Variants in ANKMY1 observed in about 807,000 individuals in gnomAD.
ANKMY1 encodes ankyrin repeat and MYND domain-containing protein 1.
A neutral mutation model predicts 102.0 loss-of-function variants in ANKMY1; 98 were observed. The observed-to-expected ratio is 0.96, with a 90% CI of 0.82 to 1.14. ANKMY1 has a LOEUF of 1.14. ANKMY1 is among the 50% of genes most tolerant of loss of function. The probability of loss-of-function intolerance (pLI) is 0.00; values close to 1 mark genes in which losing one functional copy is unlikely to be tolerated. For synonymous variants in ANKMY1, 582 were observed against 559.9 expected (o/e 1.04, Z -0.56); for missense variants, 1,330 against 1,347.6 (o/e 0.99, Z 0.20).
In ANKMY1 at chr2:240,520,520, A is replaced by C. The variant is rs1180230591; in HGVS notation, c.1846T>G (p.Trp616Gly). 1.2e-6 allele frequency: 2 copies of C among 1,612,214 alleles called. No homozygotes were observed. The highest frequency in any genetic ancestry group is 2.2e-5 in the East Asian group (1 of 44,858). ...ALSMIERRKR[W>G]RTIKLLLRRG... ...CGCAGCAGCAGCTTGATGGTCCGCC[A>C]GCGCTTCCTCCGCCTGAAAAAGACG... is the stretch of plus-strand genomic sequence containing the variant. Residue 616 changes from tryptophan to glycine, a missense_variant, in exon 9 of 18, where the codon TGG (tryptophan) becomes GGG (glycine). By Grantham distance (184) the Trp-to-Gly change is radical. Transcript: ENST00000401804. This position sits in a 1 kb window ranked among gnomAD's most constrained non-coding sequence, Gnocchi z 4.8.
intron 15 of ANKMY1, among the ~76,000 whole-genome samples, chr2:240,493,062 A>G (rs1465328483): frequency 6.6e-6 from 1 of 150,644 alleles, no homozygotes; most frequent in African/African-American, 2.4e-5. Context: ...GGTGGCTCAC[A>G]CCTGTAATCC....
At chr2:240,496,731 G>A (rs377561492) in intron 15 of ANKMY1, among the ~76,000 whole-genome samples, 5 of 152,238 alleles carry the variant, frequency 3.3e-5, no homozygotes, top group African/African-American at 1.2e-4. Flanking sequence ...ATGACCAAAC[G>A]CTCCTGTTTA....
chr2:240,482,663 A>T (rs1035978565), intron 15 of ANKMY1, among the ~76,000 whole-genome samples: 33 of 152,274 alleles, frequency 2.2e-4, no homozygotes, highest in African/African-American at 7.7e-4. Flanking sequence ...GTCAGAGGAT[A>T]TGAAATGTAT....
Position 240,529,839 on chromosome 2 carries a change from G to A in ANKMY1, c.481-330C>T, listed in dbSNP as rs2084897568. 6.6e-6 allele frequency among the ~76,000 whole-genome samples: 1 copy of A among 152,124 alleles called. No individual in the cohort carries two copies. The highest frequency in any genetic ancestry group is 1.5e-5 in the Non-Finnish European group (1 of 68,022). ...AGGTACCAGGTCTGGGTTCAATTAG[G>A]GAACCCAGCCCAAACACCCCAACAG... is the stretch of plus-strand genomic sequence containing the variant. On this transcript the variant is annotated intron_variant, in intron 4 of 17. Coordinates refer to ENST00000401804, the MANE Select transcript of ANKMY1 (RefSeq NM_001282771.3). This position sits in a 1 kb window ranked among gnomAD's most constrained non-coding sequence, Gnocchi z 4.2.
rs1005933732 is a variant in ANKMY1 at position 240,526,989 on chromosome 2, C to G, written c.954-544G>C. The G allele has an allele frequency of 5.0e-6, 5 of 1,003,916 alleles. No individual in the cohort carries two copies. In the African/African-American group the frequency reaches 8.7e-5, roughly 17 times the overall value. The allele number at this position is 1,003,916 out of a possible 1,614,324, so 62.2% of individuals were successfully genotyped here. A position where few individuals can be genotyped will look rare whatever the true frequency, so the allele number is the denominator to read the frequency against. On this transcript the variant is annotated intron_variant, in intron 5 of 17. Coordinates refer to ENST00000401804, the MANE Select transcript of ANKMY1 (RefSeq NM_001282771.3). ...AGATGCTTCTGTACCTAACAGTCTTCAACAATTACAAGCCCAGTTGATGTC... is the reference window on the plus strand; with the variant it reads ...AGATGCTTCTGTACCTAACAGTCTTGAACAATTACAAGCCCAGTTGATGTC...
At chr2:240,541,584 G>A (rs1468021669) in intron 4 of ANKMY1, among the ~76,000 whole-genome samples, 1 of 144,670 alleles carries the variant, frequency 6.9e-6, no homozygotes, top group Admixed American at 7.3e-5. Flanking sequence ...CTCACTGCAA[G>A]CTCCGCCTCC....
At chr2:240,471,558 G>A in the ANKMY1 span, among the ~76,000 whole-genome samples, 2 of 152,222 alleles carry the variant, frequency 1.3e-5, no homozygotes, top group Non-Finnish European at 2.9e-5. Context: ...GAAACCATAA[G>A]GATAGAACAA....
intron 7 of ANKMY1, 90 bp from the exon 8 acceptor site, chr2:240,524,471 G>T: frequency 7.0e-7 from 1 of 1,420,248 alleles, no homozygotes; most frequent in Non-Finnish European, 9.5e-7. Flanking sequence ...AATGCCCGTG[G>T]CCTAGAGCTG....
intron 4 of ANKMY1, among the ~76,000 whole-genome samples, chr2:240,538,329 G>A (rs898796072): frequency 6.6e-6 from 1 of 152,196 alleles, no homozygotes; most frequent in African/African-American, 2.4e-5. Flanking sequence ...TCAGGGGCCA[G>A]CGCGAGTTCT....
Position 240,554,879 on chromosome 2 carries a change from C to T in ANKMY1, c.323G>A (p.Trp108Ter). The T allele has an allele frequency of 6.2e-7, 1 of 1,614,110 alleles. No individual in the cohort carries two copies. Among genetic ancestry groups the T allele is most frequent in the Non-Finnish European group, 8.5e-7 (1 of 1,179,992 alleles). The stretch of plus-strand genomic sequence containing the variant: ...GGAAGCAGTTACCTCGCCTGTGGGC[C>T]AAGAGAATTTGCCATATCCAAGCTT... ...NMKLGYGKFS[W>*]PTGESYHGQF... Residue 108 changes from tryptophan to a stop codon, truncating the protein, a stop_gained, in exon 3 of 18, where the codon TGG (tryptophan) becomes TAG (stop). Coordinates refer to ENST00000401804, the MANE Select transcript of ANKMY1 (RefSeq NM_001282771.3). LOFTEE classifies it high-confidence loss of function.
At chr2:240,547,917 C>T (rs1382780738) in intron 4 of ANKMY1, among the ~76,000 whole-genome samples, 1 of 152,054 alleles carries the variant, frequency 6.6e-6, no homozygotes, top group Non-Finnish European at 1.5e-5. Flanking sequence ...GATTCACAGC[C>T]GAATTCTACC....
intron 13 of ANKMY1, among the ~76,000 whole-genome samples, chr2:240,503,820 G>T (rs180768966): frequency 3.9e-5 from 6 of 152,194 alleles, no homozygotes; most frequent in African/African-American, 1.4e-4. Flanking sequence ...CGTTGCAGAC[G>T]ATCAAAGTAA....
chr2:240,513,879 G>A (rs2080713946), intron 9 of ANKMY1, among the ~76,000 whole-genome samples: 1 of 152,376 alleles, frequency 6.6e-6, no homozygotes, highest in Middle Eastern at 3.4e-3. Flanking sequence ...GGACAGAAAA[G>A]AGAATATAAT....
chr2:240,539,720 A>C (rs2088106406), intron 4 of ANKMY1, among the ~76,000 whole-genome samples: 1 of 152,224 alleles, frequency 6.6e-6, no homozygotes, highest in South Asian at 2.1e-4. Flanking sequence ...CAGATGCATG[A>C]TGCTAAGTGT....
chr2:240,488,226 G>C (rs751407847), intron 15 of ANKMY1, among the ~76,000 whole-genome samples: 6 of 152,186 alleles, frequency 3.9e-5, no homozygotes, highest in African/African-American at 1.4e-4. Context: ...ACTGAAGAAA[G>C]TGTCCTTTCC....
chr2:240,524,274 C>T lies in ANKMY1; in HGVS notation c.1443G>A (p.Glu481=). ...GCAGTGGTGCTGGCGGTGGCCTCAG[C>T]TCATAGCTACCCTGGGAAGGCACGT... The part of the protein sequence containing the change: ...EVNVPSQGSY[E]LRPPPAPLLL... The change falls in exon 8 of 18, where the codon GAG becomes GAA. Residue 481 remains glutamate (E), a synonymous_variant. Coordinates refer to ENST00000401804, the MANE Select transcript of ANKMY1 (RefSeq NM_001282771.3). 1 of 1,613,816 alleles carries T rather than the reference C, an allele frequency of 6.2e-7. No homozygotes were observed. The highest frequency in any genetic ancestry group is 8.5e-7 in the Non-Finnish European group (1 of 1,180,036).
chr2:240,490,245 T>C (rs1425444332), intron 15 of ANKMY1, among the ~76,000 whole-genome samples: 2 of 152,216 alleles, frequency 1.3e-5, no homozygotes, highest in African/African-American at 4.8e-5. Context: ...ATTTCATTGA[T>C]TCTCTGTATT....
chr2:240,495,552 G>T (rs143627478), intron 15 of ANKMY1, among the ~76,000 whole-genome samples: 19 of 152,212 alleles, frequency 1.2e-4, no homozygotes, highest in African/African-American at 4.6e-4. Context: ...AACAGGGAAG[G>T]GTCCCCTGTC....
chr2:240,500,222 T>A, intron 14 of ANKMY1, 99 bp from the exon 15 acceptor site: 1 of 1,406,798 alleles, frequency 7.1e-7, no homozygotes, highest in African/African-American at 1.4e-5. Flanking sequence ...TCTTGTGATA[T>A]ATAACTGAGG....
Sources: gnomAD v4.1 joint callset for allele counts (sites outside exome capture counted in the v4.1 genomes callset) on GRCh38, gnomAD v4.1.1 for gene constraint, Gnocchi (gnomAD v3.1) non-coding constraint, MANE v1.5 for transcripts, NCBI Gene and HGNC (gene_info 2026-07-23, HGNC 2026-07-21) for gene names.